SLC24A2: variants seen among roughly 807,000 people sequenced by gnomAD.
SLC24A2 encodes sodium/potassium/calcium exchanger 2.
A neutral mutation model predicts 62.0 loss-of-function variants in SLC24A2; 36 were observed. The ratio of observed to expected loss-of-function variants is 0.58; its 90% CI spans 0.44 to 0.77. The LOEUF (loss-of-function observed/expected upper bound fraction) is 0.77. SLC24A2 is among the 30% of genes least tolerant of loss of function. The pLI is 0.00. For missense variants in SLC24A2, 846 were observed against 817.9 expected (o/e 1.03, Z -0.42); for synonymous variants, 358 against 294.0 (o/e 1.22, Z -2.23).
chr9:19,657,179 A>G (rs906314917), intron 2 of SLC24A2, among the ~76,000 whole-genome samples: 7 of 152,146 alleles, frequency 4.6e-5, no homozygotes, highest in African/African-American at 1.7e-4. Context: ...CCCGGCTATG[A>G]CCTGGAGAGT....
At chr9:19,626,711 C>T (rs7020568) in intron 2 of SLC24A2, among the ~76,000 whole-genome samples, 115,754 of 152,162 alleles carry the variant, frequency 0.76, 44,176 homozygotes, top group East Asian at 0.87. Context: ...TCAGGAAGAT[C>T]TGGTGAGGAA....
At chr9:19,554,497 T>C (rs958203328) in intron 7 of SLC24A2, among the ~76,000 whole-genome samples, 2 of 152,150 alleles carry the variant, frequency 1.3e-5, no homozygotes, top group Non-Finnish European at 2.9e-5. Flanking sequence ...TTGGAACCAG[T>C]CCCCCACGGA....
rs140912284 is a variant in SLC24A2 at position 19,517,703 on chromosome 9, G to C, written c.1737-1301C>G. 1.2e-4 allele frequency among the ~76,000 whole-genome samples: 18 copies of C among 152,180 alleles called. 1 individual carries two copies. In the East Asian group the frequency reaches 3.3e-3, roughly 28 times the overall value. ...TGAACTTGTTGGGGAGGGGTTCCAAGCTTGGGAACAAGGGGTAATTCCAGT... is the reference window on the plus strand; with the variant it reads ...TGAACTTGTTGGGGAGGGGTTCCAACCTTGGGAACAAGGGGTAATTCCAGT... On this transcript the variant is annotated intron_variant, in intron 10 of 10. Transcript: ENST00000341998.
the SLC24A2 span, among the ~76,000 whole-genome samples, chr9:19,983,498 C>T: frequency 6.6e-6 from 1 of 151,988 alleles, no homozygotes; most frequent in African/African-American, 2.4e-5. Context: ...CAAAAATTAC[C>T]CGGGCATGGT....
the SLC24A2 span, among the ~76,000 whole-genome samples, chr9:20,172,071 C>T: frequency 4.0e-4 from 61 of 152,146 alleles, 1 homozygote; most frequent in East Asian, 5.2e-3. Context: ...GCCTTCAAAA[C>T]CATGCAAATA....
the SLC24A2 span, among the ~76,000 whole-genome samples, chr9:20,197,718 C>T: frequency 1.1e-4 from 17 of 152,148 alleles, no homozygotes; most frequent in African/African-American, 3.6e-4. Context: ...AGGCATGAGC[C>T]GAGCCAGGCC....
At chr9:20,084,315 G>C in the SLC24A2 span, among the ~76,000 whole-genome samples, 1 of 152,196 alleles carries the variant, frequency 6.6e-6, no homozygotes, top group Admixed American at 6.5e-5. Context: ...GTCCTGGCTA[G>C]GGAGAGCCAA....
the SLC24A2 span, among the ~76,000 whole-genome samples, chr9:19,897,151 G>C: frequency 1.3e-5 from 2 of 152,132 alleles, no homozygotes; most frequent in Admixed American, 6.5e-5. Flanking sequence ...ACTGGGCCTT[G>C]GTAGAACTCT....
At chr9:20,180,400 G>T in the SLC24A2 span, among the ~76,000 whole-genome samples, 1 of 151,980 alleles carries the variant, frequency 6.6e-6, no homozygotes, top group African/African-American at 2.4e-5. Context: ...TCTGTTACCC[G>T]TCTTTGTAAT....
chr9:19,983,898 G>A, the SLC24A2 span, among the ~76,000 whole-genome samples: 2 of 152,158 alleles, frequency 1.3e-5, no homozygotes, highest in Non-Finnish European at 2.9e-5. Flanking sequence ...CCATGTTCAT[G>A]AATTGGAAGA....
At chr9:19,774,810 T>C (rs1159766447) in intron 2 of SLC24A2, among the ~76,000 whole-genome samples, 1 of 152,214 alleles carries the variant, frequency 6.6e-6, no homozygotes, top group Non-Finnish European at 1.5e-5. Flanking sequence ...TCCTCTTTAA[T>C]TGGGTTTCTT....
the SLC24A2 span, among the ~76,000 whole-genome samples, chr9:20,046,970 A>G: frequency 5.9e-5 from 9 of 152,258 alleles, no homozygotes; most frequent in South Asian, 2.1e-4. Context: ...TGGAACAACC[A>G]GGAAGACCAC....
chr9:19,820,052 TATAC>T, the SLC24A2 span, among the ~76,000 whole-genome samples: 1,961 of 24,188 alleles, frequency 0.081, 51 homozygotes, highest in Non-Finnish European at 0.2. Flanking sequence ...CATATATATA[TATAC>T]ACATATATAT....
chr9:20,305,785 G>C, the SLC24A2 span, among the ~76,000 whole-genome samples: 3 of 152,152 alleles, frequency 2.0e-5, no homozygotes, highest in African/African-American at 7.2e-5. Context: ...GGTTTGCCAG[G>C]GTTGCCTTAA....
chr9:19,677,925 C>G (rs1218982295), intron 2 of SLC24A2, among the ~76,000 whole-genome samples: 2 of 151,964 alleles, frequency 1.3e-5, no homozygotes, highest in Non-Finnish European at 2.9e-5. Context: ...CACACACACA[C>G]AAGCACACAA....
rs1339176077 is a variant in SLC24A2, at chr9:19,511,402, C to G, written c.*4751G>C. On this transcript the variant is annotated 3_prime_UTR_variant, in exon 11 of 11. Coordinates refer to ENST00000341998, the MANE Select transcript of SLC24A2 (RefSeq NM_020344.4). ...GATTATTTTTTAAAAAAATCTAAAA[C>G]TGTATATGGGCTCTTGTAATTGGCT... The G allele has an allele frequency of 6.6e-6, 1 of 152,104 alleles. No homozygotes were observed. Among genetic ancestry groups the G allele is most frequent in the Non-Finnish European group, 1.5e-5 (1 of 68,004 alleles). 9.4% of individuals were successfully genotyped at this position (152,104 alleles called of 1,614,324 possible). A position where few individuals can be genotyped will look rare whatever the true frequency, so the allele number is the denominator to read the frequency against.
the SLC24A2 span, among the ~76,000 whole-genome samples, chr9:19,828,347 T>C: frequency 6.6e-6 from 1 of 152,202 alleles, no homozygotes; most frequent in African/African-American, 2.4e-5. Flanking sequence ...CCAATTATTC[T>C]GATTTGATGG....
At chr9:19,531,812 A>G (rs4977550) in intron 8 of SLC24A2, among the ~76,000 whole-genome samples, 122,553 of 151,764 alleles carry the variant, frequency 0.81, 49,825 homozygotes, top group East Asian at 1. Flanking sequence ...AAATTATTTA[A>G]TCTCTTTAAG....
At chr9:20,227,345 A>G in the SLC24A2 span, among the ~76,000 whole-genome samples, 4 of 152,108 alleles carry the variant, frequency 2.6e-5, no homozygotes, top group African/African-American at 9.7e-5. Flanking sequence ...ATGATCCTGT[A>G]CTAACTTGGC....
Sources: gnomAD v4.1 joint callset for allele counts (sites outside exome capture counted in the v4.1 genomes callset) on GRCh38, gnomAD v4.1.1 for gene constraint, MANE v1.5 for transcripts, NCBI Gene and HGNC (gene_info 2026-07-23, HGNC 2026-07-21) for gene names.